Variants in U2AF1L4 observed in about 807,000 individuals in gnomAD.
U2AF1L4 encodes the protein splicing factor U2AF 26 kDa subunit.
A neutral mutation model predicts 21.7 loss-of-function variants in U2AF1L4; 21 were observed. The ratio of observed to expected loss-of-function variants is 0.97; its 90% confidence interval spans 0.69 to 1.39. The LOEUF (loss-of-function observed/expected upper bound fraction) is 1.39. Ranked by LOEUF, U2AF1L4 falls within the 40% of genes most tolerant of loss-of-function variation. U2AF1L4 has a pLI of 0.00. For missense variants in U2AF1L4, 259 were observed against 245.7 expected, an observed-to-expected ratio of 1.05 and a Z score of -0.36; for synonymous variants, 92 against 89.7, an observed-to-expected ratio of 1.03 and a Z score of -0.15.
chr19:35,743,546 G>A lies in U2AF1L4; in HGVS notation c.461+263C>T. ...CTACTAAAAACACAAAAATTAGCCG[G>A]GCATGGTGGCAGGTGCCTGTAATCC... On this transcript the variant is annotated intron_variant, in intron 5 of 5. Transcript: ENST00000378975. The A allele has an allele frequency of 4.1e-6, 2 of 487,726 alleles. 1 individual carries two copies. Among genetic ancestry groups the A allele is most frequent in the South Asian group, 4.2e-5 (2 of 47,446 alleles). The allele number at this position is 487,726 out of a possible 1,614,324, so 30.2% of individuals were successfully genotyped here. A position where few individuals can be genotyped will look rare whatever the true frequency, so the allele number is the denominator to read the frequency against.
At chr19:35,745,322 A>C in intron 1 of U2AF1L4, 26 bp downstream of exon 1, 1 of 1,550,738 alleles carries the variant, frequency 6.4e-7, no homozygotes, top group Non-Finnish European at 8.9e-7. Flanking sequence ...ACCCCCCGAG[A>C]GTCCACTCCC....
intron 2 of U2AF1L4, 187 bp downstream of exon 2, chr19:35,744,938 G>A (rs1200417283): frequency 2.7e-6 from 2 of 728,262 alleles, no homozygotes; most frequent in African/African-American, 3.6e-5. Flanking sequence ...ATGGGGGCGC[G>A]ACCAAGTTCC....
chr19:35,744,048 T>C lies in U2AF1L4; in HGVS notation c.329A>G (p.Asp110Gly). The change falls in exon 4 of 6, where the codon GAC becomes GGC. Residue 110 changes from aspartate to glycine, a missense_variant. By Grantham distance (94) the Asp-to-Gly change is moderately conservative. Transcript: ENST00000378975. Reference protein sequence around the residue: ...AVHGELSPVTDFRESCCRQYE... With the variant: ...AVHGELSPVTGFRESCCRQYE... ...CTGGCGACAGCATGACTCCCGGAAG[T>C]CAGTGACAGGAGACAGCTCACCGTG... 1 of 1,613,926 alleles carries C rather than the reference T, an allele frequency of 6.2e-7. No individual in the cohort carries two copies. Among genetic ancestry groups the C allele is most frequent in the South Asian group, 1.1e-5 (1 of 91,080 alleles).
At position 35,744,057 on chromosome 19, in the gene U2AF1L4, G is replaced by C; in HGVS notation, c.320C>G (p.Pro107Arg). Residue 107 changes from proline (P) to arginine (R), a missense_variant, in exon 4 of 6, where the codon CCT (proline) becomes CGT (arginine). Coordinates refer to ENST00000378975, the MANE Select transcript of U2AF1L4 (RefSeq NM_001040425.3). ...GCATGACTCCCGGAAGTCAGTGACA[G>C]GAGACAGCTCACCGTGCACAGCCTG... ...NGQAVHGELS[P>R]VTDFRESCCR... 3.1e-6 allele frequency: 5 copies of C among 1,614,064 alleles called. No homozygotes were observed. The highest frequency in any genetic ancestry group is 4.2e-6 in the Non-Finnish European group (5 of 1,180,040).
chr19:35,744,870 A>T, intron 2 of U2AF1L4: 1 of 801,564 alleles, frequency 1.2e-6, no homozygotes, highest in Admixed American at 2.3e-5. Flanking sequence ...GGCAAGGATG[A>T]ACAGCGGGAT....
chr19:35,744,148 G>T lies in U2AF1L4; in HGVS notation c.232-3C>A. 3 of 1,613,402 alleles carry T rather than the reference G, an allele frequency of 1.9e-6. No homozygotes were observed. Among genetic ancestry groups the T allele is most frequent in the Non-Finnish European group, 2.5e-6 (3 of 1,179,686 alleles). On this transcript the variant is annotated splice_polypyrimidine_tract_variant and splice_region_variant and intron_variant, in intron 3 of 5. Transcript: ENST00000378975. The stretch of plus-strand genomic sequence containing the variant: ...TCTCCATCCTCCTCCCTCCGGAACT[G>T]CAGGAAATGTCAGTCAGGGTCAGCA...
At position 35,742,565 on chromosome 19, in the gene U2AF1L4, G is replaced by A. The variant is rs748836658; in HGVS notation, c.*154C>T. The stretch of plus-strand genomic sequence containing the variant: ...GAAACACGCAGCTTTATTAAGACAG[G>A]GGCGGTAGAAGAAGGTCTCCATGCT... On this transcript the variant is annotated 3_prime_UTR_variant, in exon 6 of 6. Coordinates refer to ENST00000378975, the MANE Select transcript of U2AF1L4 (RefSeq NM_001040425.3). 1.9e-6 allele frequency: 3 copies of A among 1,613,504 alleles called. No homozygotes were observed. The highest frequency in any genetic ancestry group is 2.7e-5 in the African/African-American group (2 of 74,914).
Position 35,742,613 on chromosome 19 carries a change from C to T in U2AF1L4, c.*106G>A, listed in dbSNP as rs144523901. 209 of 1,613,746 alleles carry T rather than the reference C, an allele frequency of 1.3e-4. 1 individual carries two copies. The African/African-American group carries it at 2.3e-3, about 18-fold the overall frequency. ...GCTGAACAGATTACATTATGGAGCC[C>T]GGGAGCCTGGGAAGGATGGGGCAGG... is the stretch of plus-strand genomic sequence containing the variant. On this transcript the variant is annotated 3_prime_UTR_variant, in exon 6 of 6. Transcript: ENST00000378975.
Position 35,745,128 on chromosome 19 carries a change from G to A in U2AF1L4, c.129C>T (p.Ser43=), listed in dbSNP as rs781754920. 21 of 1,613,150 alleles carry A rather than the reference G, an allele frequency of 1.3e-5. No individual in the cohort carries two copies. In the Middle Eastern group the frequency reaches 8.3e-4, roughly 64 times the overall value. ...GAGGCTCCGTGCCGGGTCTCACCTG[G>A]CTGAATGTCGGCTTGTTGTGAAGCC... The part of the protein sequence containing the change: ...CSRLHNKPTF[S]QEVFTELQEK... The change falls in exon 2 of 6, where the codon AGC becomes AGT. Residue 43 remains serine (S), a synonymous_variant. Transcript: ENST00000378975.
At chr19:35,744,683 G>A (rs759786117) in intron 2 of U2AF1L4, 23 of 1,536,048 alleles carry the variant, frequency 1.5e-5, no homozygotes, top group Middle Eastern at 1.7e-4. Context: ...AGGTTGAGCA[G>A]CACTATGGTC....
chr19:35,743,900 A>C lies in U2AF1L4; in HGVS notation c.370T>G (p.Cys124Gly). 1.9e-6 allele frequency: 3 copies of C among 1,613,736 alleles called. No homozygotes were observed. The highest frequency in any genetic ancestry group is 1.7e-6 in the Non-Finnish European group (2 of 1,179,812). The part of the protein sequence containing the change: ...SCCRQYEMGE[C>G]TRGGFCNFMH... ...AAGTTGCAGAAGCCACCTCGGGTAC[A>C]TTCCCTGCATAGAGGGTAGAGAGAT... The change falls in exon 5 of 6, where the codon TGT (cysteine) becomes GGT (glycine). Residue 124 changes from cysteine (C) to glycine (G), a missense_variant. Cys to Gly is a radical substitution (Grantham distance 159). Coordinates refer to ENST00000378975, the MANE Select transcript of U2AF1L4 (RefSeq NM_001040425.3).
chr19:35,743,846 G>A lies in U2AF1L4; in HGVS notation c.424C>T (p.Leu142Phe). ...CCCCGCCCATAGAGCTGCCTCTGGA[G>A]GTTCTGGGAAATGGGCCGCAGATGC... Reference protein sequence around the residue: ...FMHLRPISQNLQRQLYGRGPR... With the variant: ...FMHLRPISQNFQRQLYGRGPR... Residue 142 changes from leucine to phenylalanine, a missense_variant, in exon 5 of 6, where the codon CTC becomes TTC. Physicochemically the swap from Leu to Phe is conservative, Grantham distance 22. Coordinates refer to ENST00000378975, the MANE Select transcript of U2AF1L4 (RefSeq NM_001040425.3). 6.2e-7 allele frequency: 1 copy of A among 1,613,474 alleles called. No individual in the cohort carries two copies. The highest frequency in any genetic ancestry group is 2.2e-5 in the East Asian group (1 of 44,860).
intron 5 of U2AF1L4, chr19:35,743,393 A>AC: frequency 4.7e-6 from 1 of 212,856 alleles, no homozygotes. Flanking sequence ...AAAAAAAAAA[A>AC]AAAAAAAAAA....
chr19:35,744,038 C>A lies in U2AF1L4; in HGVS notation c.339G>T (p.Glu113Asp). Reference protein sequence around the residue: ...GELSPVTDFRESCCRQYEMGE... With the variant: ...GELSPVTDFRDSCCRQYEMGE... ...CCATCTCATACTGGCGACAGCATGA[C>A]TCCCGGAAGTCAGTGACAGGAGACA... The change falls in exon 4 of 6, where the codon GAG (glutamate) becomes GAT (aspartate). Residue 113 changes from glutamate to aspartate, a missense_variant. Physicochemically the swap from Glu to Asp is conservative, Grantham distance 45. Coordinates refer to ENST00000378975, the MANE Select transcript of U2AF1L4 (RefSeq NM_001040425.3). 6.2e-7 allele frequency: 1 copy of A among 1,614,084 alleles called. No homozygotes were observed. Among genetic ancestry groups the A allele is most frequent in the South Asian group, 1.1e-5 (1 of 91,092 alleles).
In U2AF1L4 at chr19:35,742,732, T is replaced by C; in HGVS notation, c.533A>G (p.His178Arg). 6.2e-7 allele frequency: 1 copy of C among 1,610,618 alleles called. No homozygotes were observed. The highest frequency in any genetic ancestry group is 8.5e-7 in the Non-Finnish European group (1 of 1,179,288). The change falls in exon 6 of 6, where the codon CAT becomes CGT. Residue 178 changes from histidine to arginine, a missense_variant. By Grantham distance (29) the His-to-Arg change is conservative. Transcript: ENST00000378975. ...RNHRCSPDHW[H>R]GRF The stretch of plus-strand genomic sequence containing the variant: ...GGGGCCAGGGCCTCAGAAGCGGCCA[T>C]GCCAGTGATCAGGGGAACACCGATG...
rs187720109 is a variant in U2AF1L4, at chr19:35,742,788, G to A, written c.477C>T (p.Phe159=). 9.9e-6 allele frequency: 16 copies of A among 1,611,096 alleles called. No homozygotes were observed. Among genetic ancestry groups the A allele is most frequent in the Non-Finnish European group, 1.4e-5 (16 of 1,179,650 alleles). ...TCTCTCGGGGATGGTGGCCAGTATGGAACCTCGGGGGTGACCTGGGAATAG... is the reference window on the plus strand; with the variant it reads ...TCTCTCGGGGATGGTGGCCAGTATGAAACCTCGGGGGTGACCTGGGAATAG... ...RGPRRRSPPR[F]HTGHHPRERN... is the part of the protein sequence containing the mutation. The change falls in exon 6 of 6, where the codon TTC becomes TTT. Residue 159 remains phenylalanine (F), a synonymous_variant. Transcript: ENST00000378975.
intron 2 of U2AF1L4, 61 bp downstream of exon 2, chr19:35,745,064 G>C: frequency 6.6e-7 from 1 of 1,514,260 alleles, no homozygotes; most frequent in Non-Finnish European, 9.1e-7. Flanking sequence ...TGGTGACGAC[G>C]GCCCCAGAAG....
rs771897521 is a variant in U2AF1L4 at position 35,744,311 on chromosome 19, G to A, written c.231+12C>T. On this transcript the variant is annotated intron_variant, in intron 3 of 5. Transcript: ENST00000378975. ...CTCCACTTCTGGGCCCTAAGTGGGG[G>A]GCAGCAAGCACCTTGACATAGACGT... is the stretch of plus-strand genomic sequence containing the variant. 1.2e-6 allele frequency: 2 copies of A among 1,613,802 alleles called. No individual in the cohort carries two copies. Among genetic ancestry groups the A allele is most frequent in the African/African-American group, 2.7e-5 (2 of 74,902 alleles).
At position 35,742,568 on chromosome 19, in the gene U2AF1L4, C is replaced by T. The variant is rs774328986; in HGVS notation, c.*151G>A. 1.1e-5 allele frequency: 17 copies of T among 1,613,456 alleles called. No individual in the cohort carries two copies. The highest frequency in any genetic ancestry group is 4.0e-5 in the African/African-American group (3 of 74,884). On this transcript the variant is annotated 3_prime_UTR_variant, in exon 6 of 6. Transcript: ENST00000378975. Reference sequence around the variant, plus strand: ...ACACGCAGCTTTATTAAGACAGGGGCGGTAGAAGAAGGTCTCCATGCTGAA... The same window carrying T: ...ACACGCAGCTTTATTAAGACAGGGGTGGTAGAAGAAGGTCTCCATGCTGAA...
Sources: allele counts gnomAD v4.1 joint callset, GRCh38; gene constraint gnomAD v4.1.1; transcripts MANE v1.5; gene names NCBI Gene and HGNC (gene_info 2026-07-23, HGNC 2026-07-21).